The following SP4 variants were observed in gnomAD, a reference collection of about 807,000 sequenced individuals.
SP4 encodes transcription factor Sp4.
SP4 carries 19 observed loss-of-function variants against 72.8 expected under a neutral mutation model. The observed-to-expected ratio is 0.26, with a 90% confidence interval of 0.18 to 0.38. SP4 has a LOEUF of 0.38. Among genes scored for constraint, SP4 ranks in the 10% least tolerant of loss-of-function variants. The pLI is 1.00. For missense variants in SP4, 1,008 were observed against 926.3 expected (o/e 1.09, Z -1.14); for synonymous variants, 395 against 333.1 (o/e 1.19, Z -2.02).
chr7:21,494,810 T>G (rs1363907190), intron 5 of SP4, among the ~76,000 whole-genome samples: 1 of 152,166 alleles, frequency 6.6e-6, no homozygotes, highest in East Asian at 1.9e-4. Flanking sequence ...GCAATTAGAA[T>G]AGCCAAAACA....
intron 4 of SP4, among the ~76,000 whole-genome samples, chr7:21,481,644 A>AT (rs1491195642): frequency 2.0e-5 from 3 of 152,066 alleles, no homozygotes; most frequent in South Asian, 2.1e-4. Context: ...GCTTAGAGAG[A>AT]TTTTTTTCCC....
At chr7:21,488,146 T>A (rs1227753883) in intron 5 of SP4, among the ~76,000 whole-genome samples, 1 of 152,206 alleles carries the variant, frequency 6.6e-6, no homozygotes, top group Non-Finnish European at 1.5e-5. Context: ...ATTATAGGTG[T>A]GAGCCACTGC....
rs751124370 is a variant in SP4, at chr7:21,430,688, C to G, written c.1523C>G (p.Ala508Gly). The G allele has an allele frequency of 3.1e-6, 5 of 1,614,058 alleles. No individual in the cohort carries two copies. The highest frequency in any genetic ancestry group is 4.2e-6 in the Non-Finnish European group (5 of 1,180,024). ...TCTTCAAGTGGTGGCACAACTCTTG[C>G]TCAGATTGCTCCTGTGGCTGTTGCT... ...PVSSSGGTTL[A>G]QIAPVAVAGA... Residue 508 changes from alanine (A) to glycine (G), a missense_variant, in exon 3 of 6, where the codon GCT becomes GGT. Physicochemically the swap from Ala to Gly is moderately conservative, Grantham distance 60 (BLOSUM62 0). Around this residue, in one of 3 missense-constraint regions of SP4, gnomAD observed 893 missense variants for 743.3 expected, o/e 1.20. Transcript: ENST00000222584.
intron 3 of SP4, among the ~76,000 whole-genome samples, chr7:21,471,415 ATG>A (rs1258584039): frequency 2.0e-5 from 3 of 152,234 alleles, no homozygotes; most frequent in Non-Finnish European, 4.4e-5. Context: ...GATAATGTAT[ATG>A]GTGGAAAGAG....
At chr7:21,504,474 C>T (rs552340371) in intron 5 of SP4, among the ~76,000 whole-genome samples, 3 of 152,256 alleles carry the variant, frequency 2.0e-5, no homozygotes, top group African/African-American at 7.2e-5. Context: ...TGTTTATCTC[C>T]ATCAGTGACA....
At chr7:21,476,741 C>G (rs1562613210) in intron 3 of SP4, among the ~76,000 whole-genome samples, 1 of 152,068 alleles carries the variant, frequency 6.6e-6, no homozygotes, top group Non-Finnish European at 1.5e-5. Flanking sequence ...TCTCAAAATG[C>G]TTTTAGACTA....
chr7:21,442,006 T>TTGTGTGTGTGTG (rs58100749), intron 3 of SP4, among the ~76,000 whole-genome samples: 1 of 130,532 alleles, frequency 7.7e-6, no homozygotes, highest in Non-Finnish European at 1.5e-5. Context: ...GTGTGTGTGT[T>TTGTGTGTGTGTG]TGTGTGTGTG....
chr7:21,429,564 G>C lies in SP4; in HGVS notation c.399G>C (p.Gly133=). ...SSSSSSSSNN[G]SASPTKTKSG... The stretch of plus-strand genomic sequence containing the variant: ...CTAGTTCTTCCAGCAGTAATAACGG[G>C]AGTGCATCTCCTACAAAAACTAAAT... Residue 133 remains glycine, a synonymous_variant, in exon 3 of 6, where the codon GGG becomes GGC. Transcript: ENST00000222584. 2 of 1,614,174 alleles carry C rather than the reference G, an allele frequency of 1.2e-6. No individual in the cohort carries two copies. The highest frequency in any genetic ancestry group is 1.7e-6 in the Non-Finnish European group (2 of 1,180,008).
chr7:21,506,900 A>G (rs994496349), intron 5 of SP4, among the ~76,000 whole-genome samples: 2 of 152,090 alleles, frequency 1.3e-5, no homozygotes, highest in Non-Finnish European at 2.9e-5. Flanking sequence ...GATCCCTTTA[A>G]TTATTAGTTC....
chr7:21,510,438 A>G (rs1782111974), intron 5 of SP4, among the ~76,000 whole-genome samples: 1 of 152,358 alleles, frequency 6.6e-6, no homozygotes, highest in South Asian at 2.1e-4. Context: ...TGAAGAAAAC[A>G]TATTTAAGAA....
chr7:21,457,195 A>G (rs1783793554), intron 3 of SP4, among the ~76,000 whole-genome samples: 2 of 152,196 alleles, frequency 1.3e-5, no homozygotes, highest in African/African-American at 2.4e-5. Context: ...ACCTTTTATC[A>G]TAGGAGAATG....
chr7:21,457,995 G>T (rs1783824574), intron 3 of SP4, among the ~76,000 whole-genome samples: 1 of 152,112 alleles, frequency 6.6e-6, no homozygotes, highest in South Asian at 2.1e-4. Context: ...GGGGTTTATT[G>T]TGATGAAATT....
At chr7:21,501,329 A>C (rs1321590412) in intron 5 of SP4, among the ~76,000 whole-genome samples, 1 of 151,800 alleles carries the variant, frequency 6.6e-6, no homozygotes, top group Non-Finnish European at 1.5e-5. Context: ...CATTTAAAAC[A>C]TTTTCTCACA....
rs2390533 is a variant in SP4 at position 21,440,889 on chromosome 7, G to A, written c.1678+10046G>A. ...AACAACAACAACAACAACAACAACA[G>A]CAGCAAACAGGTGGTGTATTTCAGT... On this transcript the variant is annotated intron_variant, in intron 3 of 5. Transcript: ENST00000222584. Among the ~76,000 whole-genome samples, 69 of 13,502 alleles carry A rather than the reference G, an allele frequency of 5.1e-3. No individual in the cohort carries two copies. In the African/African-American group the frequency reaches 0.088, roughly 17 times the overall value. 8.9% of individuals were successfully genotyped at this position (13,502 alleles called of 152,430 possible).
intron 5 of SP4, among the ~76,000 whole-genome samples, chr7:21,484,855 AT>A (rs563504847): frequency 0.011 from 1,641 of 152,030 alleles, 32 homozygotes; most frequent in African/African-American, 0.037. Context: ...AAACAAATTT[AT>A]TTAAGAATTT....
chr7:21,435,170 GAT>G (rs1783007822), intron 3 of SP4, among the ~76,000 whole-genome samples: 1 of 152,180 alleles, frequency 6.6e-6, no homozygotes, highest in Non-Finnish European at 1.5e-5. Context: ...TAGGCCTTTT[GAT>G]TGATGAATGA....
Position 21,432,104 on chromosome 7 carries a change from A to G in SP4, c.1678+1261A>G, listed in dbSNP as rs184257689. On this transcript the variant is annotated intron_variant, in intron 3 of 5. Transcript: ENST00000222584. The stretch of plus-strand genomic sequence containing the variant: ...ATCTACCTAGCTACATGTGGCTGTT[A>G]AGCAGTTAAATGTGTGTGGGGCAAC... Among the ~76,000 whole-genome samples the G allele has an allele frequency of 3.8e-3, 586 of 152,340 alleles. 3 individuals carry two copies. Among genetic ancestry groups the G allele is most frequent in the Non-Finnish European group, 6.3e-3 (430 of 68,026 alleles).
chr7:21,504,519 CAA>C (rs1171765541), intron 5 of SP4, among the ~76,000 whole-genome samples: 1 of 152,180 alleles, frequency 6.6e-6, no homozygotes, highest in Non-Finnish European at 1.5e-5. Flanking sequence ...AACTCATCCA[CAA>C]AGAGCCTTAT....
intron 5 of SP4, among the ~76,000 whole-genome samples, chr7:21,504,586 TATG>T (rs1426994711): frequency 3.3e-5 from 5 of 152,238 alleles, no homozygotes; most frequent in African/African-American, 9.6e-5. Flanking sequence ...TTTGTTATTC[TATG>T]ATATCTAAGC....
Sources: gnomAD v4.1 joint callset for allele counts (sites outside exome capture counted in the v4.1 genomes callset) on GRCh38, gnomAD v4.1.1 for gene constraint, gnomAD v4.1.1 regional missense constraint, MANE v1.5 for transcripts, NCBI Gene and HGNC (gene_info 2026-07-23, HGNC 2026-07-21) for gene names.